Variants in KANK1 observed in about 807,000 individuals in gnomAD.
KANK1 encodes the protein KN motif and ankyrin repeat domain-containing protein 1.
A neutral mutation model predicts 106.2 loss-of-function variants in KANK1; 109 were observed. The ratio of observed to expected loss-of-function variants is 1.03; its 90% CI spans 0.88 to 1.20. The LOEUF is 1.20. KANK1 is among the 50% of genes most tolerant of loss of function. The pLI is 0.00. For missense variants in KANK1, 2,399 were observed against 1,710.7 expected (o/e 1.40, Z -7.10); for synonymous variants, 873 against 652.2 (o/e 1.34, Z -5.16).
chr9:660,650 C>T (rs938373862), intron 1 of KANK1, among the ~76,000 whole-genome samples: 5 of 152,138 alleles, frequency 3.3e-5, no homozygotes, highest in Non-Finnish European at 5.9e-5. Context: ...GAAGCTCCTC[C>T]GCTCTCCCTC....
intron 1 of KANK1, among the ~76,000 whole-genome samples, chr9:564,321 C>A (rs1309697980): frequency 6.6e-6 from 1 of 152,096 alleles, no homozygotes; most frequent in Non-Finnish European, 1.5e-5. Context: ...CTCAGCCTCC[C>A]AAAGTGCTGG....
At chr9:645,326 G>C (rs117187979) in intron 1 of KANK1, among the ~76,000 whole-genome samples, 5,487 of 147,892 alleles carry the variant, frequency 0.037, 170 homozygotes, top group Non-Finnish European at 0.058. Context: ...TGTAATCCCA[G>C]CTACTGAGAA....
intron 3 of KANK1, among the ~76,000 whole-genome samples, chr9:495,041 C>T (rs577442686): frequency 4.6e-5 from 7 of 152,200 alleles, no homozygotes; most frequent in African/African-American, 1.4e-4. Flanking sequence ...GGTGAACTTA[C>T]TTGTTTAGAT....
intron 1 of KANK1, among the ~76,000 whole-genome samples, chr9:561,681 TAG>T (rs1191336616): frequency 6.6e-6 from 1 of 152,224 alleles, no homozygotes; most frequent in Non-Finnish European, 1.5e-5. Context: ...GATGTTGTCA[TAG>T]GATTTTGGCA....
rs576596826 is a variant in KANK1 at position 740,389 on chromosome 9, C to T, written c.3554-403C>T. 2.0e-4 allele frequency among the ~76,000 whole-genome samples: 30 copies of T among 152,240 alleles called. 1 individual carries two copies. The highest frequency in any genetic ancestry group is 6.8e-3 in the Middle Eastern group (2 of 294). ...CCCTGTCCAACGTTCCATACGTAAG[C>T]GTTTGCAAACACTTCGTTCATGAAT... On this transcript the variant is annotated intron_variant, in intron 8 of 11. Transcript: ENST00000382297.
In KANK1 at chr9:711,128, C is replaced by T. The variant is rs1564033985; in HGVS notation, c.362C>T (p.Pro121Leu). The change falls in exon 3 of 12, where the codon CCA becomes CTA. Residue 121 changes from proline (P) to leucine (L), a missense_variant. Pro to Leu is a moderately conservative substitution (Grantham distance 98, BLOSUM62 -3). Coordinates refer to ENST00000382297, the MANE Select transcript of KANK1 (RefSeq NM_015158.5). Reference protein sequence around the residue: ...SQVTSTPISKPPPPLETSLPF... With the variant: ...SQVTSTPISKLPPPLETSLPF... ...GTTACATCAACTCCAATCTCAAAGC[C>T]ACCTCCCCCTCTGGAGACCTCACTC... The T allele has an allele frequency of 5.0e-6, 8 of 1,614,050 alleles. No homozygotes were observed. In the East Asian group the frequency reaches 1.1e-4, roughly 22 times the overall value.
intron 1 of KANK1, among the ~76,000 whole-genome samples, chr9:599,748 G>C (rs1194419588): frequency 6.6e-6 from 1 of 151,892 alleles, no homozygotes; most frequent in African/African-American, 2.4e-5. Flanking sequence ...TGCATAAAGA[G>C]AGAATTGACT....
intron 1 of KANK1, among the ~76,000 whole-genome samples, chr9:651,216 C>T (rs1840816715): frequency 6.6e-6 from 1 of 152,184 alleles, no homozygotes; most frequent in African/African-American, 2.4e-5. Flanking sequence ...GGTTTTATTT[C>T]TGTAAGAGCA....
At position 668,940 on chromosome 9, in the gene KANK1, A is replaced by T. The variant is rs192594602; in HGVS notation, c.-83-7950A>T. Among the ~76,000 whole-genome samples the T allele has an allele frequency of 6.9e-4, 105 of 152,182 alleles. 1 individual carries two copies. Among genetic ancestry groups the T allele is most frequent in the African/African-American group, 2.5e-3 (103 of 41,536 alleles). ...CTTATGAGAATCTATGCTGCTAATG[A>T]TCTGACAGGAGGTGGAGCAGGCAGT... On this transcript the variant is annotated intron_variant, in intron 1 of 11. Transcript: ENST00000382297.
chr9:672,081 G>A (rs964624315), intron 1 of KANK1, among the ~76,000 whole-genome samples: 2 of 152,178 alleles, frequency 1.3e-5, no homozygotes, highest in Non-Finnish European at 2.9e-5. Flanking sequence ...ACTCATTTAT[G>A]CCCTAAGTTC....
In KANK1 at chr9:744,709, G is replaced by C. The variant is rs772902203; in HGVS notation, c.3996+120G>C. On this transcript the variant is annotated intron_variant, in intron 11 of 11. Transcript: ENST00000382297. The stretch of plus-strand genomic sequence containing the variant: ...GTTGATTCAGAAAATGGAAGTTTTA[G>C]TCTGGAGCTTAAGAGTTCATCCTTT... 8.9e-6 allele frequency: 14 copies of C among 1,580,272 alleles called. No homozygotes were observed. The African/African-American group carries it at 1.7e-4, about 20-fold the overall frequency.
chr9:614,224 G>A (rs951266136), intron 1 of KANK1, among the ~76,000 whole-genome samples: 1 of 152,146 alleles, frequency 6.6e-6, no homozygotes, highest in African/African-American at 2.4e-5. Flanking sequence ...AGGTACAAAA[G>A]TGTGTTTAGC....
intron 1 of KANK1, among the ~76,000 whole-genome samples, chr9:555,997 A>G (rs2061562227): frequency 6.6e-6 from 1 of 152,184 alleles, no homozygotes; most frequent in African/African-American, 2.4e-5. Context: ...TTATACTTAA[A>G]ATGACTTTTT....
intron 1 of KANK1, among the ~76,000 whole-genome samples, chr9:605,993 A>G (rs1445968558): frequency 2.0e-5 from 3 of 151,638 alleles, no homozygotes; most frequent in Admixed American, 1.3e-4. Flanking sequence ...TAAACAAGCT[A>G]TGCCACACCC....
chr9:476,040 A>G (rs1043163352), intron 3 of KANK1, among the ~76,000 whole-genome samples: 2 of 151,690 alleles, frequency 1.3e-5, no homozygotes, highest in African/African-American at 4.8e-5. Context: ...TTTAACAGAG[A>G]CAAGTTTTCG....
intron 1 of KANK1, among the ~76,000 whole-genome samples, chr9:509,890 G>A (rs12347751): frequency 0.16 from 23,769 of 151,984 alleles, 3,334 homozygotes; most frequent in African/African-American, 0.38. Flanking sequence ...GTGAACTGCT[G>A]GGCCCAAGCA....
rs137938410 is a variant in KANK1, at chr9:711,583, C to G, written c.817C>G (p.Arg273Gly). The change falls in exon 3 of 12, where the codon CGC (arginine) becomes GGC (glycine). Residue 273 changes from arginine (R) to glycine (G), a missense_variant. Coordinates refer to ENST00000382297, the MANE Select transcript of KANK1 (RefSeq NM_015158.5). ...CGAGCAGATGGCCATTGCTCTGAAA[C>G]GCCTGAAGGAGCTGGAGGAGCAGGT... ...IREQMAIALK[R>G]LKELEEQVRT... 1 of 1,614,058 alleles carries G rather than the reference C, an allele frequency of 6.2e-7. No homozygotes were observed. Among genetic ancestry groups the G allele is most frequent in the East Asian group, 2.2e-5 (1 of 44,882 alleles).
Position 736,283 on chromosome 9 carries a change from G to A in KANK1, c.3333+1448G>A, listed in dbSNP as rs995418391. Among the ~76,000 whole-genome samples the A allele has an allele frequency of 5.9e-5, 9 of 152,058 alleles. No individual in the cohort carries two copies. In the East Asian group the frequency reaches 7.7e-4, roughly 13 times the overall value. ...CTCAAAAACTTAACACAATGTAAAT[G>A]CTATATAAATAGTTGTTATACTGTA... On this transcript the variant is annotated intron_variant, in intron 7 of 11. Coordinates refer to ENST00000382297, the MANE Select transcript of KANK1 (RefSeq NM_015158.5).
At chr9:669,404 T>C (rs1845397274) in intron 1 of KANK1, among the ~76,000 whole-genome samples, 1 of 152,208 alleles carries the variant, frequency 6.6e-6, no homozygotes, top group Admixed American at 6.5e-5. Flanking sequence ...GATCTAGTAG[T>C]GGTAAATTCT....
Sources: gnomAD v4.1 joint callset for allele counts (sites outside exome capture counted in the v4.1 genomes callset) on GRCh38, gnomAD v4.1.1 for gene constraint, MANE v1.5 for transcripts, NCBI Gene and HGNC (gene_info 2026-07-23, HGNC 2026-07-21) for gene names.